The following CEACAM21 variants were observed in gnomAD, a reference collection of about 807,000 sequenced individuals.
The protein encoded by CEACAM21 is cell adhesion molecule CEACAM21.
CEACAM21 carries 38 observed loss-of-function variants against 33.2 expected under a neutral mutation model. The ratio of observed to expected loss-of-function variants is 1.14; its 90% confidence interval spans 0.88 to 1.50. The LOEUF is 1.50. CEACAM21 is among the 40% of genes most tolerant of loss of function. CEACAM21 has a pLI of 0.00. For missense variants in CEACAM21, 385 were observed against 364.6 expected, an observed-to-expected ratio of 1.06 and a Z score of -0.46; for synonymous variants, 156 against 143.0, an observed-to-expected ratio of 1.09 and a Z score of -0.65.
At chr19:41,574,818 C>T (rs567587946), upstream of CEACAM21, among the ~76,000 whole-genome samples, 4 of 152,268 alleles carry the variant, frequency 2.6e-5, no homozygotes, top group East Asian at 5.8e-4. Context: ...TACCACATGA[C>T]CCCATATTTA....
At chr19:41,566,510 A>G (rs947661996) in intron 2 of CEACAM21, among the ~76,000 whole-genome samples, 2 of 152,222 alleles carry the variant, frequency 1.3e-5, no homozygotes, top group African/African-American at 2.4e-5. Flanking sequence ...CATTCCTGAT[A>G]TAAGCCATAC....
rs782132226 is a variant in CEACAM21, at chr19:41,577,337, T to A, written c.202T>A (p.Tyr68Asn). Residue 68 changes from tyrosine (Y) to asparagine (N), a missense_variant, in exon 2 of 7, where the codon TAC becomes AAC. By Grantham distance (143) the Tyr-to-Asn change is moderately radical. Coordinates refer to ENST00000401445, the MANE Select transcript of CEACAM21 (RefSeq NM_001098506.4). The stretch of plus-strand genomic sequence containing the variant: ...CGAGAATCTTTACAGCTATGGCTGG[T>A]ACAAAGGGAAAACGGTGGAGCCCAA... The part of the protein sequence containing the change: ...LPENLYSYGW[Y>N]KGKTVEPNQL... The A allele has an allele frequency of 6.2e-7, 1 of 1,613,866 alleles. No homozygotes were observed. Among genetic ancestry groups the A allele is most frequent in the East Asian group, 2.2e-5 (1 of 44,868 alleles).
At chr19:41,562,761 C>A (rs1194776225) in intron 1 of CEACAM21, among the ~76,000 whole-genome samples, 5 of 151,560 alleles carry the variant, frequency 3.3e-5, no homozygotes, top group Admixed American at 2.6e-4. Context: ...CAGAGTCTGG[C>A]GCTGTCGCCC....
At chr19:41,586,021 G>A in intron 6 of CEACAM21, 150 bp downstream of exon 6, 1 of 796,618 alleles carries the variant, frequency 1.3e-6, no homozygotes, top group Non-Finnish European at 2.1e-6. Context: ...CTGGGCCTCT[G>A]TTCAGGGCCA....
At chr19:41,585,736 C>A in intron 5 of CEACAM21, 104 bp from the exon 6 acceptor site, 1 of 1,254,318 alleles carries the variant, frequency 8.0e-7, no homozygotes, top group Non-Finnish European at 1.1e-6. Context: ...CTGAGAAAGG[C>A]TCCCTCTCCC....
upstream of CEACAM21, chr19:41,576,134 G>A (rs147772504): frequency 4.0e-4 from 376 of 929,000 alleles, 1 homozygote; most frequent in African/African-American, 3.7e-3. Context: ...GCCCATAAAC[G>A]GGAAGTGCTC....
intron 1 of CEACAM21, chr19:41,555,285 A>C (rs946935997): frequency 6.8e-6 from 1 of 146,358 alleles, no homozygotes; most frequent in Non-Finnish European, 1.5e-5. Context: ...TCTTTTTCTT[A>C]CTAGTGCTTG....
chr19:41,569,576 C>G (rs1268701212), intron 2 of CEACAM21, among the ~76,000 whole-genome samples: 1 of 152,036 alleles, frequency 6.6e-6, no homozygotes, highest in Non-Finnish European at 1.5e-5. Flanking sequence ...CTGCAGGGAG[C>G]TAGATACTGC....
Position 41,577,575 on chromosome 19 carries a change from G to A in CEACAM21, c.424+16G>A, listed in dbSNP as rs186446516. ...CGTGTATACGGTGAGTGATTCCTCC[G>A]TGCCTCTGGGTGTTGGGGGTCAGTT... On this transcript the variant is annotated intron_variant, in intron 2 of 6. Coordinates refer to ENST00000401445, the MANE Select transcript of CEACAM21 (RefSeq NM_001098506.4). 6.6e-5 allele frequency: 107 copies of A among 1,610,956 alleles called. No individual in the cohort carries two copies. Among genetic ancestry groups the A allele is most frequent in the East Asian group, 4.9e-4 (22 of 44,872 alleles).
chr19:41,564,523 G>A (rs534895732), intron 1 of CEACAM21, among the ~76,000 whole-genome samples: 91 of 152,218 alleles, frequency 6.0e-4, no homozygotes, highest in African/African-American at 1.9e-3. Flanking sequence ...GGGAAAAACG[G>A]TAGGAGTAGT....
At chr19:41,566,046 C>T (rs528567427) in intron 2 of CEACAM21, among the ~76,000 whole-genome samples, 40 of 151,944 alleles carry the variant, frequency 2.6e-4, no homozygotes, top group Admixed American at 2.1e-3. Context: ...AAAGAGTTCC[C>T]AGGAATTAAA....
intron 1 of CEACAM21, among the ~76,000 whole-genome samples, chr19:41,553,257 A>G (rs1362957180): frequency 2.0e-5 from 3 of 151,852 alleles, no homozygotes; most frequent in Non-Finnish European, 4.4e-5. Flanking sequence ...GGCACCCGCC[A>G]TCATGCCCGG....
chr19:41,566,696 A>C (rs1218003692), intron 2 of CEACAM21, among the ~76,000 whole-genome samples: 1 of 152,170 alleles, frequency 6.6e-6, no homozygotes, highest in Non-Finnish European at 1.5e-5. Context: ...TTTCTTGTTA[A>C]AGTTTTAAAC....
upstream of CEACAM21, among the ~76,000 whole-genome samples, chr19:41,574,509 AT>A (rs200008238): frequency 6.0e-4 from 91 of 152,068 alleles, no homozygotes; most frequent in South Asian, 1.9e-3. Context: ...AAGATAACCC[AT>A]TTTTTTTAAA....
In CEACAM21 at chr19:41,577,099, A is replaced by C. The variant is rs1377384212; in HGVS notation, c.65-101A>C. 4.8e-5 allele frequency: 63 copies of C among 1,310,022 alleles called. No individual in the cohort carries two copies. In the East Asian group the frequency reaches 7.2e-4, roughly 15 times the overall value. The allele number at this position is 1,310,022 out of a possible 1,614,324, so 81.1% of individuals were successfully genotyped here. A position where few individuals can be genotyped will look rare whatever the true frequency, so the allele number is the denominator to read the frequency against. The stretch of plus-strand genomic sequence containing the variant: ...CAGTAGGACACACACACACACACAC[A>C]CCCTCTAAGGCTGAGGGGTGAAGAG... On this transcript the variant is annotated intron_variant, in intron 1 of 6. Transcript: ENST00000401445.
rs2070542146 is a variant in CEACAM21 at position 41,584,289 on chromosome 19, C to G, written c.701-58C>G. On this transcript the variant is annotated intron_variant, in intron 3 of 6. Transcript: ENST00000401445. ...GACCATGCCCCTGCCCTGCAAGGCC[C>G]CTCATGGTTCCCCCTGGAACAGATT... 15 of 1,459,658 alleles carry G rather than the reference C, an allele frequency of 1.0e-5. No homozygotes were observed. In the South Asian group the frequency reaches 1.4e-4, roughly 14 times the overall value. 90.4% of individuals were successfully genotyped at this position (1,459,658 alleles called of 1,614,324 possible). A position where few individuals can be genotyped will look rare whatever the true frequency, so the allele number is the denominator to read the frequency against.
intron 1 of CEACAM21, among the ~76,000 whole-genome samples, chr19:41,560,229 T>C (rs1034059234): frequency 1.4e-4 from 22 of 152,236 alleles, no homozygotes; most frequent in Non-Finnish European, 5.9e-5. Flanking sequence ...ATTTCTTCTT[T>C]TTTTTTCTTT....
chr19:41,572,422 T>C (rs1555789708), upstream of CEACAM21, among the ~76,000 whole-genome samples: 1 of 152,152 alleles, frequency 6.6e-6, no homozygotes, highest in Non-Finnish European at 1.5e-5. Context: ...GCAGAGGCCC[T>C]AGTTTCCCTG....
intron 1 of CEACAM21, among the ~76,000 whole-genome samples, chr19:41,558,376 G>A (rs1241966753): frequency 6.6e-6 from 1 of 152,064 alleles, no homozygotes; most frequent in Non-Finnish European, 1.5e-5. Flanking sequence ...AGCTGGGCAC[G>A]GTGGCTCACA....
Sources: gnomAD v4.1 joint callset for allele counts (sites outside exome capture counted in the v4.1 genomes callset) on GRCh38, gnomAD v4.1.1 for gene constraint, MANE v1.5 for transcripts, NCBI Gene and HGNC (gene_info 2026-07-23, HGNC 2026-07-21) for gene names.